The following ROR2 variants were observed in gnomAD, a reference collection of about 807,000 sequenced individuals.
ROR2 encodes the protein ROR family WNT receptor 2, also known as tyrosine-protein kinase transmembrane receptor ROR2.
In ROR2, 33 loss-of-function variants were observed where a neutral mutation model predicts 74.9. The ratio of observed to expected loss-of-function variants is 0.44; its 90% CI spans 0.33 to 0.59. ROR2 has a LOEUF of 0.59. ROR2 is among the 20% of genes least tolerant of loss of function. ROR2 has a pLI of 0.02. For missense variants in ROR2, 1,216 were observed against 1,313.8 expected, an observed-to-expected ratio of 0.93 and a Z score of 1.15; for synonymous variants, 586 against 558.7, an observed-to-expected ratio of 1.05 and a Z score of -0.69.
chr9:91,949,575 C>T (rs1288429661), intron 1 of ROR2, among the ~76,000 whole-genome samples: 1 of 151,398 alleles, frequency 6.6e-6, no homozygotes, highest in African/African-American at 2.4e-5. Context: ...CTCGCACTCC[C>T]ACTCGCGACC....
At chr9:91,903,581 A>G (rs1000520225) in intron 1 of ROR2, among the ~76,000 whole-genome samples, 10 of 152,090 alleles carry the variant, frequency 6.6e-5, no homozygotes, top group African/African-American at 2.4e-4. Flanking sequence ...CCCCAACCTA[A>G]ATATTTTCTG....
intron 1 of ROR2, among the ~76,000 whole-genome samples, chr9:91,846,532 G>A (rs73651580): frequency 0.13 from 20,415 of 152,126 alleles, 3,166 homozygotes; most frequent in African/African-American, 0.38. Flanking sequence ...GCCCAGTCTC[G>A]GTGCTTTGTC....
intron 4 of ROR2, among the ~76,000 whole-genome samples, chr9:91,739,513 T>G (rs143584454): frequency 9.5e-6 from 1 of 105,604 alleles, no homozygotes; most frequent in Non-Finnish European, 1.9e-5. Context: ...TCTTTAAATT[T>G]AAAAAAAAAA....
intron 1 of ROR2, among the ~76,000 whole-genome samples, chr9:91,892,868 G>A (rs1830456399): frequency 6.6e-6 from 1 of 152,148 alleles, no homozygotes; most frequent in Non-Finnish European, 1.5e-5. Flanking sequence ...GGGAATACAG[G>A]CGTGAGCCAC....
chr9:91,840,270 C>T (rs139013296), intron 1 of ROR2, among the ~76,000 whole-genome samples: 19 of 152,300 alleles, frequency 1.2e-4, no homozygotes, highest in African/African-American at 4.3e-4. Context: ...CCCGGGATAA[C>T]GTTACCCGTT....
Position 91,722,704 on chromosome 9 carries a change from G to A in ROR2, c.*958C>T. ...CTGCCTGTGGGTCTGTGTGTAACAG[G>A]GGCTGTAAAATGAATGGACCTCATG... On this transcript the variant is annotated 3_prime_UTR_variant, in exon 9 of 9. Coordinates refer to ENST00000375708, the MANE Select transcript of ROR2 (RefSeq NM_004560.4). 1 of 743,662 alleles carries A rather than the reference G, an allele frequency of 1.3e-6. No individual in the cohort carries two copies. The highest frequency in any genetic ancestry group is 1.4e-5 in the South Asian group (1 of 70,426). The allele number at this position is 743,662 out of a possible 1,614,324, so 46.1% of individuals were successfully genotyped here.
chr9:91,758,757 G>C (rs1457647971), intron 2 of ROR2, among the ~76,000 whole-genome samples: 1 of 152,206 alleles, frequency 6.6e-6, no homozygotes, highest in Non-Finnish European at 1.5e-5. Flanking sequence ...GAAGTGAAAG[G>C]GACAAAGGAG....
At chr9:91,941,178 T>C (rs897876020) in intron 1 of ROR2, among the ~76,000 whole-genome samples, 4 of 151,514 alleles carry the variant, frequency 2.6e-5, no homozygotes, top group African/African-American at 9.7e-5. Context: ...TTTGTATTTT[T>C]AGTAGAGACG....
chr9:91,936,857 C>T (rs1376224516), intron 1 of ROR2, among the ~76,000 whole-genome samples: 1 of 150,662 alleles, frequency 6.6e-6, no homozygotes, highest in African/African-American at 2.5e-5. Flanking sequence ...GGTGAAACCC[C>T]GTCTCTACTA....
chr9:91,917,412 A>G (rs1831164170), intron 1 of ROR2, among the ~76,000 whole-genome samples: 1 of 152,238 alleles, frequency 6.6e-6, no homozygotes, highest in Non-Finnish European at 1.5e-5. Context: ...GTCACAAAAA[A>G]GGACCCAGAC....
intron 1 of ROR2, among the ~76,000 whole-genome samples, chr9:91,785,995 A>T (rs1024397994): frequency 6.6e-6 from 1 of 152,166 alleles, no homozygotes; most frequent in African/African-American, 2.4e-5. Context: ...TACACACGAC[A>T]GAAGTGTCTC....
chr9:91,773,056 G>A (rs1012303214), intron 2 of ROR2, among the ~76,000 whole-genome samples: 5 of 152,036 alleles, frequency 3.3e-5, no homozygotes, highest in Admixed American at 1.3e-4. Flanking sequence ...TTTCTGCCTC[G>A]CAGGGTTATT....
intron 1 of ROR2, among the ~76,000 whole-genome samples, chr9:91,919,818 A>G (rs74764287): frequency 0.045 from 6,840 of 152,288 alleles, 224 homozygotes; most frequent in Non-Finnish European, 0.061. Flanking sequence ...CTTCCTGGGA[A>G]GGTTTCCCAG....
chr9:91,805,735 C>T lies in ROR2; in HGVS notation c.98-29917G>A, dbSNP rs1026160643. 2.0e-5 allele frequency among the ~76,000 whole-genome samples: 3 copies of T among 152,254 alleles called. No homozygotes were observed. The East Asian group carries it at 5.8e-4, about 29-fold the overall frequency. On this transcript the variant is annotated intron_variant, in intron 1 of 8. Coordinates refer to ENST00000375708, the MANE Select transcript of ROR2 (RefSeq NM_004560.4). ...CACCCACACACACACATATGCACAC[C>T]TTTCAACCCAACGCCGAGGGGTGAA...
rs114230798 is a variant in ROR2, at chr9:91,835,928, C to T, written c.98-60110G>A. 5.6e-3 allele frequency among the ~76,000 whole-genome samples: 860 copies of T among 152,324 alleles called. 6 individuals are homozygous for T. Among genetic ancestry groups the T allele is most frequent in the African/African-American group, 0.019 (810 of 41,574 alleles). ...GCTTAATTTCTGGGCGCTAGGACAA[C>T]GCTTTTGTGATCGTCACTTCCCTAC... On this transcript the variant is annotated intron_variant, in intron 1 of 8. Coordinates refer to ENST00000375708, the MANE Select transcript of ROR2 (RefSeq NM_004560.4).
intron 1 of ROR2, among the ~76,000 whole-genome samples, chr9:91,945,835 C>T (rs1202036888): frequency 6.6e-6 from 1 of 152,188 alleles, no homozygotes; most frequent in Non-Finnish European, 1.5e-5. Flanking sequence ...CAACTGCACA[C>T]GCAAGCAAAG....
At chr9:91,838,883 C>T (rs562297760) in intron 1 of ROR2, among the ~76,000 whole-genome samples, 3 of 152,104 alleles carry the variant, frequency 2.0e-5, no homozygotes, top group African/African-American at 4.8e-5. Flanking sequence ...AATCGTCTTT[C>T]GGCACACAGT....
chr9:91,802,970 G>T (rs938160706), intron 1 of ROR2, among the ~76,000 whole-genome samples: 1 of 152,062 alleles, frequency 6.6e-6, no homozygotes, highest in East Asian at 1.9e-4. Flanking sequence ...TTAAGGAAAC[G>T]CAAATCACAA....
chr9:91,879,994 C>G (rs1830061652), intron 1 of ROR2, among the ~76,000 whole-genome samples: 1 of 152,104 alleles, frequency 6.6e-6, no homozygotes, highest in Non-Finnish European at 1.5e-5. Context: ...CAAAGCATAG[C>G]TCCTAATTAT....
Sources: gnomAD v4.1 joint callset for allele counts (sites outside exome capture counted in the v4.1 genomes callset) on GRCh38, gnomAD v4.1.1 for gene constraint, MANE v1.5 for transcripts, NCBI Gene and HGNC (gene_info 2026-07-23, HGNC 2026-07-21) for gene names.